Variants in VEGFC observed in about 807,000 individuals in gnomAD.
VEGFC encodes the protein vascular endothelial growth factor C, also known as FLT4 ligand DHM.
VEGFC carries 12 observed loss-of-function variants against 46.1 expected under a neutral mutation model. The ratio of observed to expected loss-of-function variants is 0.26; its 90% CI spans 0.17 to 0.42. The LOEUF is 0.42. Ranked by LOEUF, VEGFC falls within the 10% of genes least tolerant of loss-of-function variation. VEGFC has a pLI of 1.00. For missense variants in VEGFC, 488 were observed against 529.4 expected (o/e 0.92, Z 0.77); for synonymous variants, 232 against 195.5 (o/e 1.19, Z -1.56).
At chr4:176,773,529 C>CA (rs965133792) in intron 1 of VEGFC, among the ~76,000 whole-genome samples, 31 of 151,270 alleles carry the variant, frequency 2.0e-4, no homozygotes, top group African/African-American at 7.1e-4. Context: ...TCCTAGTATA[C>CA]AAAAAAACAG....
At chr4:176,733,911 G>C (rs1735007839) in intron 1 of VEGFC, among the ~76,000 whole-genome samples, 1 of 151,728 alleles carries the variant, frequency 6.6e-6, no homozygotes, top group Non-Finnish European at 1.5e-5. Flanking sequence ...GCAATCTAAA[G>C]AACTTTAAAA....
intron 6 of VEGFC, 120 bp from the exon 7 acceptor site, chr4:176,684,160 G>A: frequency 1.5e-5 from 11 of 753,054 alleles, no homozygotes; most frequent in South Asian, 7.0e-5. Context: ...ATTTTATGAC[G>A]AAATTGTTCA....
chr4:176,707,752 G>T (rs1027013667), intron 4 of VEGFC, among the ~76,000 whole-genome samples: 2 of 152,056 alleles, frequency 1.3e-5, no homozygotes, highest in Admixed American at 6.6e-5. Context: ...CACCCCAAGT[G>T]TTTGCAATAT....
chr4:176,760,803 G>C (rs1735515826), intron 1 of VEGFC, among the ~76,000 whole-genome samples: 1 of 152,128 alleles, frequency 6.6e-6, no homozygotes, highest in South Asian at 2.1e-4. Flanking sequence ...CCAAAACAAT[G>C]AATTTTTTTT....
At chr4:176,755,476 C>T (rs1035880145) in intron 1 of VEGFC, among the ~76,000 whole-genome samples, 4 of 151,926 alleles carry the variant, frequency 2.6e-5, no homozygotes, top group East Asian at 1.9e-4. Flanking sequence ...ATACCCATAA[C>T]GATAGCTCGC....
At chr4:176,701,335 T>C (rs1465769152) in intron 4 of VEGFC, among the ~76,000 whole-genome samples, 4 of 152,222 alleles carry the variant, frequency 2.6e-5, no homozygotes, top group Admixed American at 6.5e-5. Flanking sequence ...ATGTGTTTGG[T>C]TGAATGTAAC....
At chr4:176,753,986 C>G (rs960227674) in intron 1 of VEGFC, among the ~76,000 whole-genome samples, 1 of 152,024 alleles carries the variant, frequency 6.6e-6, no homozygotes, top group Admixed American at 6.6e-5. Flanking sequence ...TTAATACTTA[C>G]AATGAACTCA....
intron 6 of VEGFC, among the ~76,000 whole-genome samples, chr4:176,684,491 G>GC (rs1734002570): frequency 1.3e-5 from 2 of 152,156 alleles, no homozygotes; most frequent in African/African-American, 4.8e-5. Flanking sequence ...TCAGTGAGCA[G>GC]CCCCACCCTC....
At chr4:176,760,101 A>G (rs1735503286) in intron 1 of VEGFC, among the ~76,000 whole-genome samples, 1 of 152,090 alleles carries the variant, frequency 6.6e-6, no homozygotes, top group Non-Finnish European at 1.5e-5. Flanking sequence ...GAGATGAAAA[A>G]TAGCGTATTT....
At chr4:176,788,182 A>C (rs1222776600) in intron 1 of VEGFC, among the ~76,000 whole-genome samples, 1 of 152,220 alleles carries the variant, frequency 6.6e-6, no homozygotes, top group Non-Finnish European at 1.5e-5. Context: ...TTGTCAGAAA[A>C]TCTTGTTAAG....
At chr4:176,700,553 ACTGG>A (rs1218727205) in intron 4 of VEGFC, among the ~76,000 whole-genome samples, 3 of 152,234 alleles carry the variant, frequency 2.0e-5, no homozygotes. Context: ...GTGGTCACCA[ACTGG>A]CTAAGTACAG....
At chr4:176,722,701 T>C (rs1734809650) in intron 3 of VEGFC, among the ~76,000 whole-genome samples, 1 of 152,096 alleles carries the variant, frequency 6.6e-6, no homozygotes, top group East Asian at 1.9e-4. Context: ...GGTTTCACTA[T>C]GTTGCCCAGG....
chr4:176,778,832 T>C (rs1735860100), intron 1 of VEGFC, among the ~76,000 whole-genome samples: 1 of 152,180 alleles, frequency 6.6e-6, no homozygotes, highest in South Asian at 2.1e-4. Flanking sequence ...AATATTTCTT[T>C]CTGTCCTCAT....
intron 1 of VEGFC, among the ~76,000 whole-genome samples, chr4:176,755,438 TAG>T (rs1409490421): frequency 6.6e-6 from 1 of 152,010 alleles, no homozygotes; most frequent in Admixed American, 6.6e-5. Context: ...CACTGTTTCA[TAG>T]AGTCCCCTGT....
At chr4:176,765,258 A>C (rs1334275262) in intron 1 of VEGFC, among the ~76,000 whole-genome samples, 1 of 152,116 alleles carries the variant, frequency 6.6e-6, no homozygotes, top group African/African-American at 2.4e-5. Context: ...ATCAGTAGAA[A>C]ACATCCAGAG....
At chr4:176,735,422 C>T (rs1054847374) in intron 1 of VEGFC, among the ~76,000 whole-genome samples, 3 of 151,784 alleles carry the variant, frequency 2.0e-5, no homozygotes, top group South Asian at 2.1e-4. Flanking sequence ...TCTGACTCAT[C>T]GGTCTTTGAA....
rs533450135 is a variant in VEGFC at position 176,692,600 on chromosome 4, A to G, written c.705-4673T>C. 2.3e-4 allele frequency among the ~76,000 whole-genome samples: 31 copies of G among 136,682 alleles called. No homozygotes were observed. In the East Asian group the frequency reaches 4.6e-3, roughly 20 times the overall value. 89.7% of individuals were successfully genotyped at this position (136,682 alleles called of 152,430 possible). ...TGATTAGGTAAACAAAGCAGCCGGG[A>G]AGCTCGAACTGGGTGGAGCCCACCA... On this transcript the variant is annotated intron_variant, in intron 4 of 6. Coordinates refer to ENST00000618562, the MANE Select transcript of VEGFC (RefSeq NM_005429.5).
intron 3 of VEGFC, among the ~76,000 whole-genome samples, chr4:176,720,884 A>G (rs1364163013): frequency 6.6e-6 from 1 of 151,682 alleles, no homozygotes; most frequent in Non-Finnish European, 1.5e-5. Context: ...TTAAACAAAG[A>G]TAAAACAATC....
intron 1 of VEGFC, among the ~76,000 whole-genome samples, chr4:176,750,019 A>G (rs1333340551): frequency 6.6e-6 from 1 of 151,842 alleles, no homozygotes; most frequent in African/African-American, 2.4e-5. Context: ...AAAAAAATAG[A>G]TCGGTAAACA....
Sources: gnomAD v4.1 joint callset for allele counts (sites outside exome capture counted in the v4.1 genomes callset) on GRCh38, gnomAD v4.1.1 for gene constraint, MANE v1.5 for transcripts, NCBI Gene and HGNC (gene_info 2026-07-23, HGNC 2026-07-21) for gene names.